The following PRH1 variants were observed in gnomAD, a reference collection of about 807,000 sequenced individuals.
The protein encoded by PRH1 is salivary acidic proline-rich phosphoprotein 1/2.
In PRH1, 7 loss-of-function variants were observed where a neutral mutation model predicts 7.9. The ratio of observed to expected loss-of-function variants is 0.89; its 90% CI spans 0.50 to 1.67. The LOEUF (loss-of-function observed/expected upper bound fraction) is 1.67. PRH1 is among the 40% of genes most tolerant of loss of function. The pLI is 0.00. For missense variants in PRH1, 109 were observed against 223.6 expected (o/e 0.49, Z 3.27); for synonymous variants, 45 against 80.8 (o/e 0.56, Z 2.38).
Position 11,133,328 on chromosome 12 carries a change from A to T in PRH1, n.40-12148T>A, listed in dbSNP as rs1253560650. The stretch of plus-strand genomic sequence containing the variant: ...CCCTCTTGTGAATCTATGGAGACGA[A>T]GGCTTCTGTCTTTCACCCAGTACCT... On this transcript the variant is annotated intron_variant and non_coding_transcript_variant, in intron 1 of 1. Coordinates refer to the PRH1 transcript ENST00000541175. The T allele has an allele frequency of 1.9e-6, 3 of 1,613,592 alleles. No homozygotes were observed. In the African/African-American group the frequency reaches 4.0e-5, roughly 22 times the overall value.
At chr12:11,039,526 T>TC (rs1361842205) in intron 1 of PRH1, among the ~76,000 whole-genome samples, 2 of 152,368 alleles carry the variant, frequency 1.3e-5, no homozygotes, top group East Asian at 3.8e-4. Flanking sequence ...TTCTGCAATT[T>TC]TTTCCTTGTT....
chr12:10,888,991 C>T (rs987351855), upstream of PRH1, among the ~76,000 whole-genome samples: 2 of 152,170 alleles, frequency 1.3e-5, no homozygotes, highest in East Asian at 1.9e-4. Context: ...TCCACATTTC[C>T]TGTCTCTCTT....
chr12:11,047,559 AC>A (rs1432282301), upstream of PRH1, among the ~76,000 whole-genome samples: 1 of 152,144 alleles, frequency 6.6e-6, no homozygotes, highest in African/African-American at 2.4e-5. Flanking sequence ...GGAAGAAACA[AC>A]TTTTCTAACT....
At chr12:11,088,319 G>T (rs1256696947) in intron 1 of PRH1, among the ~76,000 whole-genome samples, 1 of 109,588 alleles carries the variant, frequency 9.1e-6, no homozygotes, top group South Asian at 2.5e-4. Flanking sequence ...CCAGCCTCAG[G>T]GACAGAATGA....
At chr12:11,100,931 A>T (rs560881149) in intron 1 of PRH1, among the ~76,000 whole-genome samples, 1 of 152,340 alleles carries the variant, frequency 6.6e-6, no homozygotes, top group South Asian at 2.1e-4. Context: ...GAATGCTAAC[A>T]ATGTGAATAT....
At chr12:11,006,358 CTTTTCTCCTTTTCTT>C (rs1299717105) in intron 1 of PRH1, 1 of 144,884 alleles carries the variant, frequency 6.9e-6, no homozygotes, top group Non-Finnish European at 1.5e-5. Context: ...ACTTCCATTT[CTTTTCTCCTTTTCTT>C]TTTTTTTTTT....
At chr12:10,978,960 G>C (rs1236605440) in intron 1 of PRH1, among the ~76,000 whole-genome samples, 1 of 152,056 alleles carries the variant, frequency 6.6e-6, no homozygotes, top group Non-Finnish European at 1.5e-5. Flanking sequence ...TGTGATGAAA[G>C]GGAATGCTTT....
intron 2 of PRH1, among the ~76,000 whole-genome samples, chr12:10,899,617 G>A (rs1383145916): frequency 6.6e-6 from 1 of 152,116 alleles, no homozygotes; most frequent in East Asian, 1.9e-4. Flanking sequence ...CTTCTGCTTT[G>A]ACCTTCTCCA....
chr12:10,971,940 AT>A (rs762621520), intron 2 of PRH1, among the ~76,000 whole-genome samples: 1 of 152,100 alleles, frequency 6.6e-6, no homozygotes, highest in Non-Finnish European at 1.5e-5. Flanking sequence ...CTATTATTAA[AT>A]TTTCTAATCA....
At chr12:11,153,623 G>T (rs1947167921) in intron 1 of PRH1, among the ~76,000 whole-genome samples, 1 of 152,074 alleles carries the variant, frequency 6.6e-6, no homozygotes, top group South Asian at 2.1e-4. Context: ...GAGTTACCTT[G>T]AGCTGTTTGG....
At chr12:10,982,566 G>A (rs1439570525) in intron 1 of PRH1, among the ~76,000 whole-genome samples, 1 of 152,162 alleles carries the variant, frequency 6.6e-6, no homozygotes, top group East Asian at 1.9e-4. Context: ...CAAGAACACT[G>A]CTTCACTGTT....
chr12:11,010,685 A>T (rs1362677524), intron 1 of PRH1, among the ~76,000 whole-genome samples: 1 of 151,946 alleles, frequency 6.6e-6, no homozygotes, highest in Non-Finnish European at 1.5e-5. Flanking sequence ...TTCCAAAATT[A>T]GTAACATCAG....
chr12:11,124,851 T>A (rs1946057390), intron 1 of PRH1, among the ~76,000 whole-genome samples: 1 of 152,168 alleles, frequency 6.6e-6, no homozygotes, highest in African/African-American at 2.4e-5. Context: ...ATTTACGATT[T>A]TTTTTTTTGA....
intron 1 of PRH1, among the ~76,000 whole-genome samples, chr12:10,975,509 C>G (rs957003770): frequency 1.1e-4 from 16 of 152,098 alleles, no homozygotes; most frequent in Non-Finnish European, 8.8e-5. Flanking sequence ...AGTAACCACA[C>G]AACCCAATCT....
chr12:10,969,729 C>T (rs1938704918), intron 2 of PRH1, among the ~76,000 whole-genome samples: 1 of 152,128 alleles, frequency 6.6e-6, no homozygotes, highest in Admixed American at 6.5e-5. Flanking sequence ...GTATCAATAG[C>T]ATCATTAGCA....
At chr12:10,909,199 C>A (rs1265929978) in intron 2 of PRH1, 2 of 1,613,648 alleles carry the variant, frequency 1.2e-6, no homozygotes, top group East Asian at 4.5e-5. Context: ...CTGACCCAGT[C>A]AATGCAGTTG....
intron 1 of PRH1, among the ~76,000 whole-genome samples, chr12:11,148,588 T>C (rs1946948921): frequency 6.9e-6 from 1 of 144,910 alleles, no homozygotes; most frequent in Admixed American, 7.1e-5. Flanking sequence ...CTGGATTACA[T>C]TTATTGATTT....
chr12:10,969,635 TTC>T (rs1938694679), intron 2 of PRH1, among the ~76,000 whole-genome samples: 1 of 151,902 alleles, frequency 6.6e-6, no homozygotes, highest in Non-Finnish European at 1.5e-5. Context: ...TCTTTGGTTT[TTC>T]TGTTTTTTTG....
At position 11,080,498 on chromosome 12, in the gene PRH1, C is replaced by T. The variant is rs1944464611; in HGVS notation, n.124-33310G>A. Reference sequence around the variant, plus strand: ...ATATATATACCTGGGTGTGAAATTACAGGGTCCTTGATAAACGTTCACATT... The same window carrying T: ...ATATATATACCTGGGTGTGAAATTATAGGGTCCTTGATAAACGTTCACATT... On this transcript the variant is annotated intron_variant and non_coding_transcript_variant, in intron 1 of 4. Coordinates refer to the PRH1 transcript ENST00000541977. 1.7e-5 allele frequency among the ~76,000 whole-genome samples: 2 copies of T among 116,180 alleles called. 1 individual carries two copies. Among genetic ancestry groups the T allele is most frequent in the Admixed American group, 1.7e-4 (2 of 11,538 alleles). The allele number at this position is 116,180 out of a possible 152,430, so 76.2% of individuals were successfully genotyped here.
Sources: gnomAD v4.1 joint callset for allele counts (sites outside exome capture counted in the v4.1 genomes callset) on GRCh38, gnomAD v4.1.1 for gene constraint, MANE v1.5 for transcripts, NCBI Gene and HGNC (gene_info 2026-07-23, HGNC 2026-07-21) for gene names.